ZBTB20: variants seen among roughly 807,000 people sequenced by gnomAD.
ZBTB20 encodes the protein zinc finger and BTB domain-containing protein 20.
ZBTB20 carries 9 observed loss-of-function variants against 56.9 expected under a neutral mutation model. That is an observed-to-expected ratio of 0.16 (90% CI 0.10 to 0.28). The LOEUF (loss-of-function observed/expected upper bound fraction) is 0.28, where lower values mean the gene tolerates loss of function less well. Among genes scored for constraint, ZBTB20 ranks in the 10% least tolerant of loss-of-function variants. The pLI is 1.00. For missense variants in ZBTB20, 655 were observed against 1,003.0 expected (o/e 0.65, Z 4.69); for synonymous variants, 417 against 420.7 (o/e 0.99, Z 0.11).
chr3:115,137,448 T>C lies in ZBTB20; in HGVS notation c.-703+9771A>G, dbSNP rs569225869. 1.9e-4 allele frequency among the ~76,000 whole-genome samples: 29 copies of C among 152,060 alleles called. 1 individual carries two copies. Among genetic ancestry groups the C allele is most frequent in the Non-Finnish European group, 1.0e-4 (7 of 67,942 alleles). ...TCATGCATGCTGACTATACTAAATATAATCCAAAGTCATGTACACTGACTT... is the reference window on the plus strand; with the variant it reads ...TCATGCATGCTGACTATACTAAATACAATCCAAAGTCATGTACACTGACTT... On this transcript the variant is annotated intron_variant, in intron 1 of 11. Coordinates refer to ENST00000675478, the MANE Select transcript of ZBTB20 (RefSeq NM_001348800.3).
intron 3 of ZBTB20, among the ~76,000 whole-genome samples, chr3:114,951,532 T>C (rs903368267): frequency 6.6e-6 from 1 of 152,108 alleles, no homozygotes; most frequent in Non-Finnish European, 1.5e-5. Flanking sequence ...AATGTCTACA[T>C]CCAAGATTGT....
At chr3:114,914,126 T>C (rs1162685741) in intron 3 of ZBTB20, among the ~76,000 whole-genome samples, 1 of 152,050 alleles carries the variant, frequency 6.6e-6, no homozygotes, top group Non-Finnish European at 1.5e-5. Flanking sequence ...GTAATTGGTA[T>C]TTTGATAGAG....
intron 6 of ZBTB20, among the ~76,000 whole-genome samples, chr3:114,613,522 T>C (rs566545921): frequency 3.6e-4 from 55 of 152,176 alleles, no homozygotes; most frequent in Non-Finnish European, 6.8e-4. Context: ...AAGACTTAAG[T>C]AATAAGATGA....
chr3:114,769,671 T>C (rs1394257890), intron 5 of ZBTB20, among the ~76,000 whole-genome samples: 1 of 150,692 alleles, frequency 6.6e-6, no homozygotes, highest in East Asian at 1.9e-4. Context: ...TTGGAGACTA[T>C]TATTCTAAGT....
intron 3 of ZBTB20, among the ~76,000 whole-genome samples, chr3:114,937,416 C>T (rs1255253449): frequency 6.6e-6 from 1 of 151,320 alleles, no homozygotes; most frequent in African/African-American, 2.4e-5. Flanking sequence ...TAAATGTCTT[C>T]TTCTTCTTCT....
At chr3:114,394,712 C>T (rs1430659045) in intron 7 of ZBTB20, among the ~76,000 whole-genome samples, 5 of 152,142 alleles carry the variant, frequency 3.3e-5, no homozygotes, top group African/African-American at 1.2e-4. Flanking sequence ...TTCTGACACT[C>T]TCCTTTCTAC....
At chr3:114,356,194 G>C (rs2081235450) in intron 10 of ZBTB20, 1 of 152,180 alleles carries the variant, frequency 6.6e-6, no homozygotes, top group Non-Finnish European at 1.5e-5. Context: ...GAGTACCGAA[G>C]GGAAAATCTG....
At chr3:114,991,230 C>T (rs988347132) in intron 2 of ZBTB20, among the ~76,000 whole-genome samples, 5 of 152,078 alleles carry the variant, frequency 3.3e-5, no homozygotes, top group Non-Finnish European at 5.9e-5. Context: ...CCTGCTTTCT[C>T]TTGTGGGCAT....
At chr3:114,554,820 A>C (rs1160731812) in intron 6 of ZBTB20, among the ~76,000 whole-genome samples, 1 of 152,192 alleles carries the variant, frequency 6.6e-6, no homozygotes, top group Admixed American at 6.6e-5. Flanking sequence ...ACAGCTACAA[A>C]GAACCTTACC....
At chr3:115,011,830 A>T (rs558578782) in intron 2 of ZBTB20, among the ~76,000 whole-genome samples, 1 of 151,982 alleles carries the variant, frequency 6.6e-6, no homozygotes, top group African/African-American at 2.4e-5. Flanking sequence ...TGATGAACCG[A>T]TAAAAAAAAT....
At chr3:114,654,902 T>A (rs1056063854) in intron 6 of ZBTB20, among the ~76,000 whole-genome samples, 1 of 152,186 alleles carries the variant, frequency 6.6e-6, no homozygotes, top group African/African-American at 2.4e-5. Context: ...TCCCTCCTTA[T>A]CTCTAATAGT....
At chr3:114,735,585 A>G (rs1277846729) in intron 5 of ZBTB20, among the ~76,000 whole-genome samples, 1 of 152,156 alleles carries the variant, frequency 6.6e-6, no homozygotes, top group Non-Finnish European at 1.5e-5. Context: ...AAACTTATCC[A>G]GTACATGAAA....
chr3:114,859,509 A>G (rs960180585), intron 4 of ZBTB20, among the ~76,000 whole-genome samples: 1 of 151,386 alleles, frequency 6.6e-6, no homozygotes, highest in Non-Finnish European at 1.5e-5. Context: ...TTGTTTCAGA[A>G]TCCACATGCT....
chr3:114,872,906 T>C (rs2076062759), intron 4 of ZBTB20, among the ~76,000 whole-genome samples: 1 of 152,162 alleles, frequency 6.6e-6, no homozygotes, highest in Non-Finnish European at 1.5e-5. Flanking sequence ...AAGAACTCTG[T>C]ATGATTTCAA....
chr3:114,854,845 T>C (rs1215421616), intron 4 of ZBTB20, among the ~76,000 whole-genome samples: 3 of 152,240 alleles, frequency 2.0e-5, no homozygotes, highest in African/African-American at 7.2e-5. Flanking sequence ...ATTATTTTAT[T>C]CAATGAATCA....
At chr3:115,146,615 G>A (rs979166747) in intron 1 of ZBTB20, among the ~76,000 whole-genome samples, 8 of 152,154 alleles carry the variant, frequency 5.3e-5, no homozygotes, top group Admixed American at 1.3e-4. Flanking sequence ...GGCGGGGGCC[G>A]GGAGCTCCGG....
intron 6 of ZBTB20, among the ~76,000 whole-genome samples, chr3:114,551,933 A>G (rs2050631589): frequency 6.6e-6 from 1 of 152,218 alleles, no homozygotes; most frequent in Non-Finnish European, 1.5e-5. Flanking sequence ...AGCTAAAAAT[A>G]TAGTGGCGGC....
intron 2 of ZBTB20, among the ~76,000 whole-genome samples, chr3:115,021,621 C>G (rs1384947046): frequency 1.3e-5 from 2 of 150,690 alleles, no homozygotes; most frequent in Non-Finnish European, 3.0e-5. Context: ...CTCAAATGAA[C>G]ATATTTGCAT....
At chr3:114,420,489 C>T (rs1335817501) in intron 7 of ZBTB20, among the ~76,000 whole-genome samples, 1 of 152,140 alleles carries the variant, frequency 6.6e-6, no homozygotes, top group East Asian at 1.9e-4. Context: ...TCTTGCCCGC[C>T]TGTGCACATA....
Sources: gnomAD v4.1 joint callset for allele counts (sites outside exome capture counted in the v4.1 genomes callset) on GRCh38, gnomAD v4.1.1 for gene constraint, MANE v1.5 for transcripts, NCBI Gene and HGNC (gene_info 2026-07-23, HGNC 2026-07-21) for gene names.